MPP4: variants seen among roughly 807,000 people sequenced by gnomAD.
MPP4 encodes the protein MAGUK p55 subfamily member 4.
In MPP4, 91 loss-of-function variants were observed where a neutral mutation model predicts 98.3. The ratio of observed to expected loss-of-function variants is 0.93; its 90% confidence interval spans 0.78 to 1.10. MPP4 has a LOEUF of 1.10. MPP4 is among the 50% of genes least tolerant of loss of function. The pLI, the probability that MPP4 is intolerant of heterozygous loss-of-function variation, is 0.00. For missense variants in MPP4, 744 were observed against 792.9 expected (o/e 0.94, Z 0.74); for synonymous variants, 261 against 271.8 (o/e 0.96, Z 0.39).
intron 1 of MPP4, among the ~76,000 whole-genome samples, chr2:201,695,377 C>T (rs1689150017): frequency 6.6e-6 from 1 of 152,198 alleles, no homozygotes; most frequent in Non-Finnish European, 1.5e-5. Flanking sequence ...CCCTGTATAG[C>T]TTTCAAATGT....
intron 11 of MPP4, among the ~76,000 whole-genome samples, chr2:201,673,982 C>T (rs201430159): frequency 6.6e-6 from 1 of 152,234 alleles, no homozygotes; most frequent in African/African-American, 2.4e-5. Context: ...TGGCCTCTGC[C>T]AAGCCACAGC....
Position 201,685,648 on chromosome 2 carries a change from CAT to C in MPP4, c.492+269_492+270del, listed in dbSNP as rs1323986052. On this transcript the variant is annotated intron_variant, in intron 6 of 21. Transcript: ENST00000409474. ...CAGAAAGCCAAATATTAAAATAAAACATATGTCTTATTTCTCACAAAAATGTC... is the reference window on the plus strand; with the variant it reads ...CAGAAAGCCAAATATTAAAATAAAACATGTCTTATTTCTCACAAAAATGTC... 9.8e-5 allele frequency among the ~76,000 whole-genome samples: 15 copies of C among 152,296 alleles called. 1 individual carries two copies. The South Asian group carries it at 2.9e-3, about 29-fold the overall frequency.
At chr2:201,698,544 T>G in intron 1 of MPP4, 43 bp downstream of exon 1, 2 of 1,296,748 alleles carry the variant, frequency 1.5e-6, no homozygotes, top group Non-Finnish European at 2.0e-6. Context: ...CAGTTATGGA[T>G]ACATCTTCTG....
chr2:201,664,408 T>C (rs949699359), intron 13 of MPP4: 13 of 1,112,978 alleles, frequency 1.2e-5, no homozygotes, highest in Non-Finnish European at 1.5e-5. Context: ...AAGGGGAAAG[T>C]GGAATGTCAG....
intron 12 of MPP4, chr2:201,666,606 C>G (rs925419943): frequency 1.4e-4 from 45 of 329,870 alleles, no homozygotes; most frequent in African/African-American, 9.3e-4. Context: ...CCTATATAAT[C>G]CCAGCTACGT....
intron 15 of MPP4, 120 bp from the exon 16 acceptor site, chr2:201,658,638 A>C: frequency 2.6e-6 from 2 of 782,912 alleles, no homozygotes; most frequent in Non-Finnish European, 4.1e-6. Flanking sequence ...AGCAGAGTTG[A>C]ATTTATCCTT....
chr2:201,654,199 C>T (rs930698539), intron 18 of MPP4, among the ~76,000 whole-genome samples: 1 of 152,156 alleles, frequency 6.6e-6, no homozygotes, highest in East Asian at 1.9e-4. Context: ...TGGTCTTGAA[C>T]TCCTGACCTC....
At chr2:201,662,367 G>T (rs984776250) in intron 14 of MPP4, among the ~76,000 whole-genome samples, 1 of 150,466 alleles carries the variant, frequency 6.6e-6, no homozygotes, top group African/African-American at 2.4e-5. Flanking sequence ...TGGGTGTTGT[G>T]GTGCACACCT....
Position 201,685,917 on chromosome 2 carries a change from AC to A in MPP4, c.492+1del, listed in dbSNP as rs777140736. ...TGGAAAGATAAAAAATGATTTCCTT[AC>A]CAGGGGCTGTTGGTTTTTCACTAAA... On this transcript the variant is annotated splice_donor_variant, in intron 6 of 21. Coordinates refer to ENST00000409474, the MANE Select transcript of MPP4 (RefSeq NM_033066.3). LOFTEE classifies it high-confidence loss of function. 10 of 1,610,392 alleles carry A rather than the reference AC, an allele frequency of 6.2e-6. No homozygotes were observed. In the Admixed American group the frequency reaches 1.7e-4, roughly 27 times the overall value.
chr2:201,678,978 C>T (rs1294209936), intron 10 of MPP4, among the ~76,000 whole-genome samples: 1 of 152,152 alleles, frequency 6.6e-6, no homozygotes, highest in Non-Finnish European at 1.5e-5. Flanking sequence ...CCTCATTCAA[C>T]CTCAGCCACT....
intron 21 of MPP4, chr2:201,646,958 T>TA (rs1276004880): frequency 6.6e-6 from 1 of 152,210 alleles, no homozygotes; most frequent in African/African-American, 2.4e-5. Context: ...TTACCACACA[T>TA]ATACACACAC....
chr2:201,663,413 T>C (rs1688079307), intron 14 of MPP4, among the ~76,000 whole-genome samples: 1 of 152,238 alleles, frequency 6.6e-6, no homozygotes, highest in Admixed American at 6.5e-5. Context: ...ATCTCACAAC[T>C]GCACTGTTGC....
chr2:201,656,093 G>A, intron 17 of MPP4, 105 bp downstream of exon 17: 3 of 1,234,250 alleles, frequency 2.4e-6, no homozygotes, highest in Non-Finnish European at 3.3e-6. Context: ...TTGTATGGGG[G>A]TCCATAAAGA....
chr2:201,670,959 G>A lies in MPP4; in HGVS notation c.995-1209C>T, dbSNP rs1168199432. On this transcript the variant is annotated intron_variant, in intron 11 of 21. Coordinates refer to ENST00000409474, the MANE Select transcript of MPP4 (RefSeq NM_033066.3). ...CCTCACCTGGGAAGTGAAAGGGGTC[G>A]GGGAACTCCCTCCCCTAGCCAAGGA... 7.2e-5 allele frequency among the ~76,000 whole-genome samples: 11 copies of A among 152,290 alleles called. No homozygotes were observed. The East Asian group carries it at 9.7e-4, about 13-fold the overall frequency.
rs1688971293 is a variant in MPP4 at position 201,690,237 on chromosome 2, G to C, written c.244C>G (p.Pro82Ala). ...AACACCTGTGCATGTGGTGTGGCAG[G>C]AACTAGTTTCTTTTCTTTAAATTCC... The part of the protein sequence containing the change: ...LQEFKEKKLV[P>A]ATPHAQVLSY... Residue 82 changes from proline to alanine, a missense_variant, in exon 4 of 22, where the codon CCT becomes GCT. Transcript: ENST00000409474. The C allele has an allele frequency of 6.2e-7, 1 of 1,609,904 alleles. No homozygotes were observed. Among genetic ancestry groups the C allele is most frequent in the Non-Finnish European group, 8.5e-7 (1 of 1,178,188 alleles).
At chr2:201,650,748 A>G in intron 18 of MPP4, 2 of 985,428 alleles carry the variant, frequency 2.0e-6, no homozygotes, top group Non-Finnish European at 1.2e-6. Context: ...GAGAAAGCCC[A>G]TGACATTCTG....
chr2:201,661,201 G>A (rs1372822870), intron 14 of MPP4, among the ~76,000 whole-genome samples: 15 of 146,810 alleles, frequency 1.0e-4, no homozygotes, highest in Middle Eastern at 7.5e-3. Flanking sequence ...GATTAGAGGC[G>A]TGAGCCACCA....
chr2:201,664,199 C>T (rs1688101185), intron 13 of MPP4, 98 bp from the exon 14 acceptor site: 10 of 1,502,444 alleles, frequency 6.7e-6, no homozygotes, highest in South Asian at 1.2e-5. Flanking sequence ...CCTACTTCTG[C>T]CCATACACCA....
intron 18 of MPP4, among the ~76,000 whole-genome samples, chr2:201,652,927 C>T (rs997716340): frequency 6.6e-5 from 10 of 152,150 alleles, no homozygotes; most frequent in Admixed American, 1.3e-4. Context: ...TCCTTAAATC[C>T]GGCTCTTTCT....
Sources: gnomAD v4.1 joint callset for allele counts (sites outside exome capture counted in the v4.1 genomes callset) on GRCh38, gnomAD v4.1.1 for gene constraint, MANE v1.5 for transcripts, NCBI Gene and HGNC (gene_info 2026-07-23, HGNC 2026-07-21) for gene names.